The following RPTOR variants were observed in gnomAD, a reference collection of about 807,000 sequenced individuals.
RPTOR encodes regulatory associated protein of MTOR complex 1.
In RPTOR, 21 loss-of-function variants were observed where a neutral mutation model predicts 169.9. That is an observed-to-expected ratio of 0.12 (90% confidence interval 0.09 to 0.18). RPTOR has a LOEUF of 0.18. RPTOR is among the 10% of genes least tolerant of loss of function. RPTOR has a pLI of 1.00. For synonymous variants in RPTOR, 732 were observed against 753.2 expected (o/e 0.97, Z 0.46); for missense variants, 1,133 against 1,855.9 (o/e 0.61, Z 7.16).
chr17:80,834,532 G>A (rs1030989214), intron 9 of RPTOR, among the ~76,000 whole-genome samples: 1 of 152,174 alleles, frequency 6.6e-6, no homozygotes, highest in African/African-American at 2.4e-5. Flanking sequence ...CTGAAATGTG[G>A]AGCTGGGTCA....
intron 20 of RPTOR, among the ~76,000 whole-genome samples, chr17:80,900,901 G>T (rs766809634): frequency 1.3e-5 from 2 of 152,230 alleles, no homozygotes; most frequent in Non-Finnish European, 2.9e-5. Context: ...GAGAGCTTCC[G>T]TCTGCAGGTC....
chr17:80,830,150 G>C (rs1201803599), intron 9 of RPTOR, among the ~76,000 whole-genome samples: 1 of 152,194 alleles, frequency 6.6e-6, no homozygotes, highest in Admixed American at 6.5e-5. Flanking sequence ...CGCTATAGGT[G>C]TACACAGATT....
chr17:80,558,065 T>C (rs969771574), intron 1 of RPTOR, among the ~76,000 whole-genome samples: 1 of 152,192 alleles, frequency 6.6e-6, no homozygotes, highest in Non-Finnish European at 1.5e-5. Context: ...TTTGGGAGGC[T>C]GAGGCAGGTG....
In RPTOR at chr17:80,715,329, G is replaced by A. The variant is rs559060739; in HGVS notation, c.507+7330G>A. 4.6e-5 allele frequency among the ~76,000 whole-genome samples: 7 copies of A among 152,278 alleles called. No individual in the cohort carries two copies. The South Asian group carries it at 8.3e-4, about 18-fold the overall frequency. ...ATTAATTTTATATACATTTAAATAT[G>A]TAATTAAATGGACAGATGCCTTAAA... On this transcript the variant is annotated intron_variant, in intron 4 of 33. Transcript: ENST00000306801.
At position 80,823,121 on chromosome 17, in the gene RPTOR, G is replaced by A. The variant is rs2143618053; in HGVS notation, c.1034G>A (p.Ser345Asn). 6.2e-7 allele frequency: 1 copy of A among 1,614,178 alleles called. No homozygotes were observed. The highest frequency in any genetic ancestry group is 8.5e-7 in the Non-Finnish European group (1 of 1,180,040). ...TTCAGACAGGACTTGCTGGTGGCTA[G>A]TCTGTTTCGAAATTTTTTATTGGCG... The part of the protein sequence containing the change: ...KLFRQDLLVA[S>N]LFRNFLLAER... Residue 345 changes from serine to asparagine, a missense_variant, in exon 9 of 34, where the codon AGT (serine) becomes AAT (asparagine). Transcript: ENST00000306801. The surrounding 1 kb of genome is among the most constrained non-coding windows in gnomAD (Gnocchi z 4.5).
chr17:80,922,383 G>A (rs572606555), intron 21 of RPTOR, among the ~76,000 whole-genome samples: 105 of 152,286 alleles, frequency 6.9e-4, no homozygotes, highest in South Asian at 2.1e-3. Context: ...CGCCCCTCTG[G>A]CAGGGAAGGT....
chr17:80,640,284 A>T (rs1380068969), intron 2 of RPTOR, among the ~76,000 whole-genome samples: 4 of 152,194 alleles, frequency 2.6e-5, no homozygotes, highest in Non-Finnish European at 4.4e-5. Flanking sequence ...TACATTTATG[A>T]TCTGTCCACT....
chr17:80,699,716 G>T (rs1327985681), intron 3 of RPTOR, among the ~76,000 whole-genome samples: 2 of 98,382 alleles, frequency 2.0e-5, no homozygotes, highest in Admixed American at 1.9e-4. Flanking sequence ...TGCTGTGCAC[G>T]GTGCCCTGGT....
intron 1 of RPTOR, among the ~76,000 whole-genome samples, chr17:80,572,956 TTTAAG>T (rs1326779655): frequency 2.6e-5 from 4 of 152,262 alleles, no homozygotes; most frequent in African/African-American, 9.6e-5. Context: ...TTCTTTCCTG[TTTAAG>T]TTTTGTATAA....
intron 3 of RPTOR, among the ~76,000 whole-genome samples, chr17:80,692,092 G>C (rs1423759133): frequency 2.0e-5 from 3 of 152,206 alleles, no homozygotes; most frequent in Admixed American, 2.0e-4. Context: ...AGGCACAGAT[G>C]TCGAGTGACA....
At chr17:80,660,512 A>C (rs924863341) in intron 3 of RPTOR, among the ~76,000 whole-genome samples, 1 of 152,188 alleles carries the variant, frequency 6.6e-6, no homozygotes, top group Non-Finnish European at 1.5e-5. Context: ...CCACACTCTG[A>C]GGAGCAGAGT....
intron 7 of RPTOR, among the ~76,000 whole-genome samples, chr17:80,811,326 G>A (rs532060873): frequency 2.0e-5 from 3 of 152,328 alleles, no homozygotes; most frequent in African/African-American, 4.8e-5. Context: ...GGCTTCCTCT[G>A]TGTCTGTGGA....
intron 3 of RPTOR, among the ~76,000 whole-genome samples, chr17:80,683,084 G>A (rs1323172317): frequency 6.6e-6 from 1 of 152,186 alleles, no homozygotes; most frequent in Non-Finnish European, 1.5e-5. Context: ...TTACAGGCGC[G>A]AGCCAAGCGC....
chr17:80,839,008 C>A (rs2067597207), intron 10 of RPTOR, among the ~76,000 whole-genome samples: 2 of 152,258 alleles, frequency 1.3e-5, no homozygotes, highest in Non-Finnish European at 1.5e-5. Context: ...GAGGATGCCA[C>A]CCTCCAGCCC....
At chr17:80,789,555 G>A (rs1405052372) in intron 6 of RPTOR, among the ~76,000 whole-genome samples, 1 of 152,206 alleles carries the variant, frequency 6.6e-6, no homozygotes, top group Non-Finnish European at 1.5e-5. Context: ...CCCTTCAGGA[G>A]CCAGCCTCCG....
chr17:80,927,306 A>G (rs2068822245), intron 24 of RPTOR, among the ~76,000 whole-genome samples: 1 of 152,210 alleles, frequency 6.6e-6, no homozygotes, highest in African/African-American at 2.4e-5. Context: ...TCAGGCGACT[A>G]AGAAACCCAC....
At chr17:80,931,975 C>T (rs991186145) in intron 24 of RPTOR, among the ~76,000 whole-genome samples, 2 of 151,900 alleles carry the variant, frequency 1.3e-5, no homozygotes, top group African/African-American at 4.8e-5. Flanking sequence ...AAAACCCTCC[C>T]GAAACCCAGG....
chr17:80,859,728 G>A (rs559897403), intron 13 of RPTOR, among the ~76,000 whole-genome samples: 22 of 152,370 alleles, frequency 1.4e-4, no homozygotes, highest in African/African-American at 3.6e-4. Flanking sequence ...ACGTGTGTGC[G>A]GGGGTGGTCA....
At chr17:80,677,639 G>A (rs909138759) in intron 3 of RPTOR, among the ~76,000 whole-genome samples, 12 of 152,084 alleles carry the variant, frequency 7.9e-5, no homozygotes, top group Admixed American at 2.0e-4. Context: ...CTTTTCAGGC[G>A]TTTGCTGGGC....
Sources: gnomAD v4.1 joint callset for allele counts (sites outside exome capture counted in the v4.1 genomes callset) on GRCh38, gnomAD v4.1.1 for gene constraint, Gnocchi (gnomAD v3.1) non-coding constraint, MANE v1.5 for transcripts, NCBI Gene and HGNC (gene_info 2026-07-23, HGNC 2026-07-21) for gene names.